CACNB4: variants seen among roughly 807,000 people sequenced by gnomAD.
CACNB4 encodes the protein voltage-dependent L-type calcium channel subunit beta-4.
CACNB4 carries 32 observed loss-of-function variants against 71.2 expected under a neutral mutation model. The observed-to-expected ratio is 0.45, with a 90% confidence interval of 0.34 to 0.60. The LOEUF (loss-of-function observed/expected upper bound fraction) is 0.60. CACNB4 is among the 20% of genes least tolerant of loss of function. The pLI, the probability that CACNB4 is intolerant of heterozygous loss-of-function variation, is 0.01. For synonymous variants in CACNB4, 231 were observed against 236.9 expected (o/e 0.97, Z 0.23); for missense variants, 464 against 647.9 (o/e 0.72, Z 3.08).
chr2:152,096,139 C>A (rs1357258771), intron 2 of CACNB4, among the ~76,000 whole-genome samples: 1 of 152,116 alleles, frequency 6.6e-6, no homozygotes, highest in Non-Finnish European at 1.5e-5. Context: ...TGTATGATGT[C>A]ATTTGAATGA....
chr2:152,039,415 C>CA (rs34058095), intron 2 of CACNB4, among the ~76,000 whole-genome samples: 75,876 of 137,300 alleles, frequency 0.55, 21,083 homozygotes, highest in East Asian at 0.86. Flanking sequence ...GACTCTGTCT[C>CA]AAAAAAAAAA....
rs1688408289 is a variant in CACNB4 at position 152,098,512 on chromosome 2, C to G, written c.64-99G>C. 2 of 1,368,004 alleles carry G rather than the reference C, an allele frequency of 1.5e-6. No individual in the cohort carries two copies. Among genetic ancestry groups the G allele is most frequent in the East Asian group, 4.6e-5 (2 of 43,566 alleles). The allele number at this position is 1,368,004 out of a possible 1,614,324, so 84.7% of individuals were successfully genotyped here. ...TGGAGTCCGCCTCCGGACCCGCTCC[C>G]TGGGGTCCCCTAGAGCCCGCACCCA... On this transcript the variant is annotated intron_variant, in intron 1 of 13. Coordinates refer to ENST00000539935, the MANE Select transcript of CACNB4 (RefSeq NM_000726.5). This position sits in a 1 kb window ranked among gnomAD's most constrained non-coding sequence, Gnocchi z 5.3.
chr2:151,869,231 G>T lies in CACNB4; in HGVS notation c.704C>A (p.Thr235Lys). The T allele has an allele frequency of 6.4e-7, 1 of 1,559,718 alleles. No homozygotes were observed. The highest frequency in any genetic ancestry group is 8.7e-7 in the Non-Finnish European group (1 of 1,146,488). Reference protein sequence around the residue: ...VGPSLKGYEVTDMMQKALFDF... With the variant: ...VGPSLKGYEVKDMMQKALFDF... ...AAAGAGGGCTTTCTGCATCATGTCT[G>T]TTACCTTTGCAGAGGTGAGAAAAAA... Residue 235 changes from threonine (T) to lysine (K), a missense_variant, in exon 9 of 14, where the codon ACA (threonine) becomes AAA (lysine). By Grantham distance (78) the Thr-to-Lys change is moderately conservative. Around this residue, in one of 3 missense-constraint regions of CACNB4, gnomAD observed 299 missense variants for 471.7 expected, o/e 0.63. Transcript: ENST00000539935.
intron 2 of CACNB4, among the ~76,000 whole-genome samples, chr2:152,025,892 G>T (rs926988191): frequency 6.6e-6 from 1 of 152,224 alleles, no homozygotes; most frequent in African/African-American, 2.4e-5. Flanking sequence ...AGATGTGTTT[G>T]CAGTATAGTA....
chr2:152,026,336 T>G (rs1683969512), intron 2 of CACNB4, among the ~76,000 whole-genome samples: 1 of 151,922 alleles, frequency 6.6e-6, no homozygotes. Context: ...AAACATGCTA[T>G]CATATTAATA....
At chr2:151,947,667 C>T (rs2099865929) in intron 2 of CACNB4, among the ~76,000 whole-genome samples, 1 of 152,094 alleles carries the variant, frequency 6.6e-6, no homozygotes, top group African/African-American at 2.4e-5. Flanking sequence ...GCTGCGAGGT[C>T]GTCCGGGTCT....
In CACNB4 at chr2:151,890,290, G is replaced by C. The variant is rs145381801; in HGVS notation, c.148-6920C>G. 3.7e-3 allele frequency among the ~76,000 whole-genome samples: 569 copies of C among 152,288 alleles called. 2 individuals are homozygous for C. Among genetic ancestry groups the C allele is most frequent in the Non-Finnish European group, 6.1e-3 (418 of 68,018 alleles). On this transcript the variant is annotated intron_variant, in intron 2 of 13. Transcript: ENST00000539935. ...AAAATTCAGCCCCAGCTGTTAATCT[G>C]ACTAAAGCTCCTTTTTAGGTTTCAA... is the stretch of plus-strand genomic sequence containing the variant.
At chr2:151,994,289 GCATGATCATGCTT>G (rs1681911826) in intron 2 of CACNB4, among the ~76,000 whole-genome samples, 1 of 151,380 alleles carries the variant, frequency 6.6e-6, no homozygotes, top group South Asian at 2.1e-4. Context: ...GAGTGCAGTG[GCATGATCATGCTT>G]TACAAAGCGA....
intron 2 of CACNB4, among the ~76,000 whole-genome samples, chr2:151,898,611 A>G (rs1255773228): frequency 6.6e-6 from 1 of 152,190 alleles, no homozygotes; most frequent in Non-Finnish European, 1.5e-5. Flanking sequence ...TTACTTAGCT[A>G]TTTTTTAAAA....
chr2:151,849,142 GC>G (rs2099838376), intron 12 of CACNB4, among the ~76,000 whole-genome samples: 1 of 152,138 alleles, frequency 6.6e-6, no homozygotes. Flanking sequence ...CTATCCAGTA[GC>G]CCATTTTCCC....
intron 2 of CACNB4, among the ~76,000 whole-genome samples, chr2:152,077,443 C>T (rs954620697): frequency 8.5e-5 from 13 of 152,200 alleles, no homozygotes; most frequent in Non-Finnish European, 1.6e-4. Context: ...ATCCCAGCTA[C>T]TCAGGAGGCT....
intron 2 of CACNB4, among the ~76,000 whole-genome samples, chr2:151,923,601 A>G (rs2099859499): frequency 6.6e-6 from 1 of 152,236 alleles, no homozygotes; most frequent in Non-Finnish European, 1.5e-5. Context: ...AGTACAAAAT[A>G]TCAGTCTTGG....
intron 2 of CACNB4, among the ~76,000 whole-genome samples, chr2:152,073,308 T>G (rs1479171182): frequency 2.0e-5 from 3 of 152,130 alleles, no homozygotes; most frequent in Admixed American, 2.0e-4. Context: ...ACCATCTTCC[T>G]TGTCATCCAA....
At chr2:151,912,348 G>C (rs2099856405) in intron 2 of CACNB4, among the ~76,000 whole-genome samples, 1 of 152,198 alleles carries the variant, frequency 6.6e-6, no homozygotes, top group Non-Finnish European at 1.5e-5. Context: ...CTGTGTCCCA[G>C]AGATTCTGGT....
intron 2 of CACNB4, among the ~76,000 whole-genome samples, chr2:152,010,616 A>G (rs998028071): frequency 6.6e-6 from 1 of 152,216 alleles, no homozygotes; most frequent in Non-Finnish European, 1.5e-5. Context: ...TTCCCTCTCT[A>G]CAAGATGAAT....
At chr2:152,092,605 T>C (rs1199503400) in intron 2 of CACNB4, among the ~76,000 whole-genome samples, 1 of 152,166 alleles carries the variant, frequency 6.6e-6, no homozygotes, top group Non-Finnish European at 1.5e-5. Flanking sequence ...TTATACATTA[T>C]TCTGTAACTT....
chr2:152,073,432 G>C (rs962156064), intron 2 of CACNB4, among the ~76,000 whole-genome samples: 1 of 152,132 alleles, frequency 6.6e-6, no homozygotes, highest in Non-Finnish European at 1.5e-5. Flanking sequence ...CCATTCGCCT[G>C]TGTAGTAAAC....
chr2:152,049,935 C>T lies in CACNB4; in HGVS notation c.147+48395G>A, dbSNP rs192367962. 1.1e-3 allele frequency among the ~76,000 whole-genome samples: 171 copies of T among 152,368 alleles called. 2 individuals are homozygous for T. Among genetic ancestry groups the T allele is most frequent in the African/African-American group, 3.9e-3 (161 of 41,574 alleles). ...AACTTCTACTGAGGGCCAAATGTGT[C>T]GACTTGTCTGCAAGGCAACTGCATC... On this transcript the variant is annotated intron_variant, in intron 2 of 13. Transcript: ENST00000539935.
chr2:152,044,202 C>G (rs1197646571), intron 2 of CACNB4, among the ~76,000 whole-genome samples: 1 of 152,104 alleles, frequency 6.6e-6, no homozygotes, highest in African/African-American at 2.4e-5. Context: ...TCTTTTAAAA[C>G]AGATTTTATT....
Sources: gnomAD v4.1 joint callset for allele counts (sites outside exome capture counted in the v4.1 genomes callset) on GRCh38, gnomAD v4.1.1 for gene constraint, gnomAD v4.1.1 regional missense constraint, Gnocchi (gnomAD v3.1) non-coding constraint, MANE v1.5 for transcripts, NCBI Gene and HGNC (gene_info 2026-07-23, HGNC 2026-07-21) for gene names.